Variants in DNAH5 observed in about 807,000 individuals in gnomAD.
The protein encoded by DNAH5 is axonemal beta dynein heavy chain 5.
DNAH5 carries 372 observed loss-of-function variants against 518.2 expected under a neutral mutation model. The observed-to-expected ratio is 0.72, with a 90% CI of 0.66 to 0.78. The LOEUF is 0.78. DNAH5 is among the 30% of genes least tolerant of loss of function. DNAH5 has a pLI of 0.00. For missense variants in DNAH5, 5,523 were observed against 5,687.0 expected (o/e 0.97, Z 0.93); for synonymous variants, 2,039 against 2,025.9 (o/e 1.01, Z -0.17).
At chr5:13,849,849 G>A (rs1180155425) in intron 31 of DNAH5, among the ~76,000 whole-genome samples, 1 of 151,370 alleles carries the variant, frequency 6.6e-6, no homozygotes, top group Non-Finnish European at 1.5e-5. Flanking sequence ...TTATTTCATC[G>A]AGATCCTGCC....
intron 16 of DNAH5, among the ~76,000 whole-genome samples, chr5:13,892,001 T>C (rs997365589): frequency 6.6e-6 from 1 of 152,198 alleles, no homozygotes; most frequent in Non-Finnish European, 1.5e-5. Flanking sequence ...AAAGCTGAAA[T>C]TGAATACAGG....
intron 8 of DNAH5, 76 bp from the exon 9 acceptor site, chr5:13,916,531 G>A (rs748606311): frequency 4.2e-6 from 3 of 721,318 alleles, no homozygotes; most frequent in Non-Finnish European, 7.5e-6. Flanking sequence ...CATTCCATCT[G>A]CATTAAAATA....
chr5:13,895,939 CA>C (rs1292590351), intron 15 of DNAH5, among the ~76,000 whole-genome samples: 1 of 152,052 alleles, frequency 6.6e-6, no homozygotes, highest in Non-Finnish European at 1.5e-5. Flanking sequence ...CACTCACACA[CA>C]TACAGGTAAT....
At chr5:13,976,726 C>CAT (rs1434324806) in intron 1 of DNAH5, among the ~76,000 whole-genome samples, 1 of 116,382 alleles carries the variant, frequency 8.6e-6, no homozygotes, top group Non-Finnish European at 1.9e-5. Flanking sequence ...CACACACATA[C>CAT]ACACACACAC....
intron 69 of DNAH5, 77 bp from the exon 70 acceptor site, chr5:13,727,733 CA>C: frequency 6.6e-7 from 1 of 1,511,794 alleles, no homozygotes; most frequent in African/African-American, 1.4e-5. Flanking sequence ...TATGTTTCAT[CA>C]AACCTCTGAC....
chr5:13,865,591 A>G (rs1289776091), intron 27 of DNAH5, 77 bp downstream of exon 27: 11 of 896,402 alleles, frequency 1.2e-5, no homozygotes, highest in Non-Finnish European at 2.1e-5. Context: ...TGGGGTGAAA[A>G]GAGAACTTGG....
intron 38 of DNAH5, among the ~76,000 whole-genome samples, chr5:13,827,946 A>T (rs1763116456): frequency 6.6e-6 from 1 of 152,110 alleles, no homozygotes; most frequent in Admixed American, 6.5e-5. Flanking sequence ...TTCCCCTTCC[A>T]CCATGATTGT....
chr5:13,833,050 C>T (rs1017264058), intron 35 of DNAH5, among the ~76,000 whole-genome samples: 1 of 149,886 alleles, frequency 6.7e-6, no homozygotes, highest in African/African-American at 2.5e-5. Context: ...TCCTTGAGAA[C>T]TTGGTTTAGT....
intron 12 of DNAH5, 50 bp from the exon 13 acceptor site, chr5:13,902,188 G>GT (rs1328573883): frequency 1.5e-6 from 2 of 1,346,870 alleles, no homozygotes; most frequent in Non-Finnish European, 2.1e-6. Context: ...GGAATTTACT[G>GT]TTTAGCAACA....
intron 30 of DNAH5, 52 bp from the exon 31 acceptor site, chr5:13,850,867 C>T (rs1362030369): frequency 6.3e-7 from 1 of 1,578,302 alleles, no homozygotes. Context: ...ATCTGTGATC[C>T]CAAAGACAGT....
In DNAH5 at chr5:13,870,853, G is replaced by C. The variant is rs967198798; in HGVS notation, c.3748C>G (p.Leu1250Val). 1.9e-6 allele frequency: 3 copies of C among 1,613,738 alleles called. No homozygotes were observed. Among genetic ancestry groups the C allele is most frequent in the Non-Finnish European group, 2.5e-6 (3 of 1,179,832 alleles). ...NKKLNRPIKD[L>V]DDIRIAMAAL... ...GCCATTGCAATCCGAATATCATCTA[G>C]GTCCTTAATTGGACGATTTAGTTTC... is the stretch of plus-strand genomic sequence containing the variant. The change falls in exon 24 of 79, where the codon CTA becomes GTA. Residue 1250 changes from leucine (L) to valine (V), a missense_variant. Physicochemically the swap from Leu to Val is conservative, Grantham distance 32. This residue lies in a region of DNAH5 where 5,121 missense variants were observed against 5,223.3 expected (regional missense o/e 0.98). Transcript: ENST00000265104.
chr5:13,880,118 A>G (rs1771457437), intron 21 of DNAH5, among the ~76,000 whole-genome samples: 1 of 152,196 alleles, frequency 6.6e-6, no homozygotes, highest in South Asian at 2.1e-4. Flanking sequence ...TCTTAGCAGA[A>G]GCCTTGCAGG....
rs772138612 is a variant in DNAH5, at chr5:13,752,287, G to A, written c.10875C>T (p.Ile3625=). The change falls in exon 64 of 79, where the codon ATC becomes ATT. Residue 3625 remains isoleucine, a splice_region_variant and synonymous_variant. Coordinates refer to ENST00000265104, the MANE Select transcript of DNAH5 (RefSeq NM_001369.3). ...KNKESRNELQ[I]TSLNHKYFRN... ...TGAAGTACTTGTGATTTAAAGACGT[G>A]ATCTAGGAACAGGATCACAAGGTTG... The A allele has an allele frequency of 3.1e-6, 5 of 1,614,006 alleles. No homozygotes were observed. The Admixed American group carries it at 8.3e-5, about 27-fold the overall frequency.
chr5:13,900,015 A>T (rs1774372621), intron 15 of DNAH5, 191 bp downstream of exon 15: 3 of 598,252 alleles, frequency 5.0e-6, no homozygotes, highest in Non-Finnish European at 5.9e-6. Flanking sequence ...CAAGCTTCTC[A>T]TCTTGGCCTG....
At chr5:13,713,825 C>T (rs1005836619) in intron 75 of DNAH5, among the ~76,000 whole-genome samples, 1 of 151,644 alleles carries the variant, frequency 6.6e-6, no homozygotes, top group Non-Finnish European at 1.5e-5. Context: ...ACCTGTACCC[C>T]AATAACTCAT....
intron 1 of DNAH5, among the ~76,000 whole-genome samples, chr5:13,982,080 C>G (rs1782711136): frequency 6.6e-6 from 1 of 152,246 alleles, no homozygotes; most frequent in Non-Finnish European, 1.5e-5. Flanking sequence ...AAATACTTCC[C>G]TCGTTATGCT....
chr5:13,937,923 ATGAAT>A (rs1317831956), intron 1 of DNAH5, among the ~76,000 whole-genome samples: 1 of 152,204 alleles, frequency 6.6e-6, no homozygotes, highest in African/African-American at 2.4e-5. Flanking sequence ...AATGTATTCT[ATGAAT>A]TACAGCCATT....
rs762448929 is a variant in DNAH5 at position 13,788,958 on chromosome 5, C to A, written c.8449-44G>T. The A allele has an allele frequency of 1.9e-6, 3 of 1,558,108 alleles. No homozygotes were observed. The South Asian group carries it at 3.3e-5, about 17-fold the overall frequency. Reference sequence around the variant, plus strand: ...AAATGTGTTAGTAATTCCTGTTATGCCGTAATTGGGAATTCAGGTTGACAG... The same window carrying A: ...AAATGTGTTAGTAATTCCTGTTATGACGTAATTGGGAATTCAGGTTGACAG... On this transcript the variant is annotated intron_variant, in intron 50 of 78. Coordinates refer to ENST00000265104, the MANE Select transcript of DNAH5 (RefSeq NM_001369.3).
intron 47 of DNAH5, 122 bp downstream of exon 47, chr5:13,807,469 G>C: frequency 1.1e-6 from 1 of 878,886 alleles, no homozygotes; most frequent in Non-Finnish European, 1.8e-6. Flanking sequence ...AGACGTACGT[G>C]GGTGATTTAT....
Sources: allele counts gnomAD v4.1 joint callset (sites outside exome capture counted in the v4.1 genomes callset), GRCh38; gene constraint gnomAD v4.1.1; regional missense constraint gnomAD v4.1.1; transcripts MANE v1.5; gene names NCBI Gene and HGNC (gene_info 2026-07-23, HGNC 2026-07-21).